RAD9A: variants seen among roughly 807,000 people sequenced by gnomAD.
RAD9A encodes the protein cell cycle checkpoint control protein RAD9A.
RAD9A carries 25 observed loss-of-function variants against 41.2 expected under a neutral mutation model. The observed-to-expected ratio is 0.61, with a 90% confidence interval of 0.44 to 0.85. The LOEUF (loss-of-function observed/expected upper bound fraction) is 0.85. Ranked by LOEUF, RAD9A falls within the 40% of genes least tolerant of loss-of-function variation. The pLI is 0.00. For synonymous variants in RAD9A, 252 were observed against 210.6 expected (o/e 1.20, Z -1.70); for missense variants, 514 against 518.3 (o/e 0.99, Z 0.08).
intron 9 of RAD9A, among the ~76,000 whole-genome samples, chr11:67,396,735 AGCAGGTGGCTGGAAGG>A (rs1208024114): frequency 9.9e-5 from 15 of 152,166 alleles, no homozygotes; most frequent in Non-Finnish European, 1.9e-4. Context: ...GGCTGGGGGA[AGCAGGTGGCTGGAAGG>A]GCAGGTGGGC....
intron 5 of RAD9A, 49 bp downstream of exon 5, chr11:67,393,839 C>G: frequency 6.8e-7 from 1 of 1,460,058 alleles, no homozygotes; most frequent in Non-Finnish European, 9.2e-7. Flanking sequence ...TCTCTTCCTT[C>G]TTTGGGGCCC....
At chr11:67,396,451 G>A (rs769765596) in intron 9 of RAD9A, 51 bp downstream of exon 9, 3 of 1,589,542 alleles carry the variant, frequency 1.9e-6, no homozygotes, top group Non-Finnish European at 2.6e-6. Flanking sequence ...GTGCACTCCA[G>A]CCTGAGACTG....
intron 5 of RAD9A, chr11:67,395,412 A>C: frequency 2.5e-6 from 1 of 395,432 alleles, no homozygotes; most frequent in Non-Finnish European, 4.5e-6. Flanking sequence ...CTGTATGTCA[A>C]TGGGTATCCT....
chr11:67,396,027 G>C lies in RAD9A; in HGVS notation c.669+6G>C. 6.2e-7 allele frequency: 1 copy of C among 1,614,098 alleles called. No homozygotes were observed. Among genetic ancestry groups the C allele is most frequent in the Non-Finnish European group, 8.5e-7 (1 of 1,179,984 alleles). ...TCTGCCTCAAGGAATTCCGGGTGAG[G>C]TTCCTCCCAGGCGCTCGCCGTCCTG... is the stretch of plus-strand genomic sequence containing the variant. On this transcript the variant is annotated splice_donor_region_variant and intron_variant, in intron 7 of 10. Transcript: ENST00000307980.
At chr11:67,394,748 G>A (rs1324112163) in intron 5 of RAD9A, among the ~76,000 whole-genome samples, 1 of 151,850 alleles carries the variant, frequency 6.6e-6, no homozygotes, top group Non-Finnish European at 1.5e-5. Flanking sequence ...CCGAGTAGCT[G>A]GGATTACAGG....
intron 5 of RAD9A, among the ~76,000 whole-genome samples, chr11:67,394,679 G>A (rs976465476): frequency 2.7e-5 from 4 of 150,802 alleles, no homozygotes; most frequent in Admixed American, 6.6e-5. Context: ...GCAATGGCAC[G>A]ATCTCGGCTC....
Position 67,397,947 on chromosome 11 carries a change from C to A in RAD9A, c.*388C>A. On this transcript the variant is annotated 3_prime_UTR_variant, in exon 11 of 11. Coordinates refer to ENST00000307980, the MANE Select transcript of RAD9A (RefSeq NM_004584.3). ...GGCCCCTGGTGATCCAGCTTCTCTG[C>A]CAATCATGACCTGTTCCTTCCTGAA... is the stretch of plus-strand genomic sequence containing the variant. 1 of 231,090 alleles carries A rather than the reference C, an allele frequency of 4.3e-6. No individual in the cohort carries two copies. Among genetic ancestry groups the A allele is most frequent in the Admixed American group, 5.3e-5 (1 of 18,950 alleles). 14.3% of individuals were successfully genotyped at this position (231,090 alleles called of 1,614,324 possible).
Position 67,393,707 on chromosome 11 carries a change from C to T in RAD9A, c.366C>T (p.His122=). ...CCCATCCAGGGGTGCGGAAGACTCA[C>T]AACCTGTCCTTCCAGGACTGTGAGT... is the stretch of plus-strand genomic sequence containing the variant. ...LHCKFGVRKT[H]NLSFQDCESL... The change falls in exon 5 of 11, where the codon CAC becomes CAT. Residue 122 remains histidine, a synonymous_variant. Transcript: ENST00000307980. 1 of 1,613,662 alleles carries T rather than the reference C, an allele frequency of 6.2e-7. No individual in the cohort carries two copies. Among genetic ancestry groups the T allele is most frequent in the Non-Finnish European group, 8.5e-7 (1 of 1,179,774 alleles).
chr11:67,391,986 G>A lies in RAD9A; in HGVS notation c.-59G>A, dbSNP rs913078413. On this transcript the variant is annotated 5_prime_UTR_variant, in exon 1 of 11. Coordinates refer to ENST00000307980, the MANE Select transcript of RAD9A (RefSeq NM_004584.3). Reference sequence around the variant, plus strand: ...GGGGCGGTGCGCGGGAAGGGACCCCGGACCCGGAGGTCGCGGAGAGCTGGG... The same window carrying A: ...GGGGCGGTGCGCGGGAAGGGACCCCAGACCCGGAGGTCGCGGAGAGCTGGG... 6 of 1,525,834 alleles carry A rather than the reference G, an allele frequency of 3.9e-6. No homozygotes were observed. In the African/African-American group the frequency reaches 4.2e-5, roughly 11 times the overall value. The allele number at this position is 1,525,834 out of a possible 1,614,324, so 94.5% of individuals were successfully genotyped here. A position where few individuals can be genotyped will look rare whatever the true frequency, so the allele number is the denominator to read the frequency against.
In RAD9A at chr11:67,398,222, G is replaced by T. The variant is rs891629175; in HGVS notation, c.*663G>T. ...GACCTTTATTCAAGAGACCAGATGG[G>T]TTGCCCCAGGATCCGGCTGCCAGCC... On this transcript the variant is annotated 3_prime_UTR_variant, in exon 11 of 11. Transcript: ENST00000307980. The T allele has an allele frequency of 1.2e-5, 5 of 413,402 alleles. No homozygotes were observed. Among genetic ancestry groups the T allele is most frequent in the Non-Finnish European group, 2.2e-5 (5 of 228,604 alleles). The allele number at this position is 413,402 out of a possible 1,614,324, so 25.6% of individuals were successfully genotyped here. A position where few individuals can be genotyped will look rare whatever the true frequency, so the allele number is the denominator to read the frequency against.
Position 67,398,341 on chromosome 11 carries a change from G to A in RAD9A, c.*782G>A. 6.4e-6 allele frequency: 4 copies of A among 624,750 alleles called. No homozygotes were observed. Among genetic ancestry groups the A allele is most frequent in the South Asian group, 6.1e-5 (3 of 49,364 alleles). The allele number at this position is 624,750 out of a possible 1,614,324, so 38.7% of individuals were successfully genotyped here. On this transcript the variant is annotated 3_prime_UTR_variant, in exon 11 of 11. Coordinates refer to ENST00000307980, the MANE Select transcript of RAD9A (RefSeq NM_004584.3). ...AGGATCCTGCTCACAGTCACCGCAG[G>A]TGCAGGCAGGAAGCAGCCCTGGGGG...
At position 67,392,083 on chromosome 11, in the gene RAD9A, G is replaced by C; in HGVS notation, c.34+5G>C. 1 of 1,596,966 alleles carries C rather than the reference G, an allele frequency of 6.3e-7. No homozygotes were observed. The highest frequency in any genetic ancestry group is 8.5e-7 in the Non-Finnish European group (1 of 1,173,214). On this transcript the variant is annotated splice_donor_5th_base_variant and intron_variant, in intron 1 of 10. Coordinates refer to ENST00000307980, the MANE Select transcript of RAD9A (RefSeq NM_004584.3). ...TCACGGGCGGCAACGTGAAGGGTGA[G>C]TGCAGGTCGGCCTGGCAGCGGCGGT...
At chr11:67,393,662 G>C in intron 4 of RAD9A, 29 bp from the exon 5 acceptor site, 2 of 1,612,828 alleles carry the variant, frequency 1.2e-6, no homozygotes, top group East Asian at 2.2e-5. Context: ...AGGTCGGCGA[G>C]GCCCACTGAG....
intron 5 of RAD9A, 45 bp downstream of exon 5, chr11:67,393,835 C>T (rs1358651938): frequency 1.4e-6 from 2 of 1,476,362 alleles, no homozygotes; most frequent in Admixed American, 4.5e-5. Flanking sequence ...TCTCTCTCTT[C>T]CTTCTTTGGG....
chr11:67,395,465 G>A (rs941113333), intron 5 of RAD9A, among the ~76,000 whole-genome samples: 15 of 152,202 alleles, frequency 9.9e-5, no homozygotes, highest in African/African-American at 3.1e-4. Context: ...GGCCGGGTTT[G>A]TAGGGTGGCC....
chr11:67,392,248 T>TGGGGATGGGGTGG lies in RAD9A; in HGVS notation c.105+21_105+22insATGGGGTGGGGGG. On this transcript the variant is annotated intron_variant, in intron 2 of 10. Transcript: ENST00000307980. The stretch of plus-strand genomic sequence containing the variant: ...GAGGACGGGGTGAGGGGCTAGGGTG[T>TGGGGATGGGGTGG]GGGGGGCGGGTGGGACTCCAGCCGG... 1 of 321,858 alleles carries TGGGGATGGGGTGG rather than the reference T, an allele frequency of 3.1e-6. No homozygotes were observed. 19.9% of individuals were successfully genotyped at this position (321,858 alleles called of 1,614,324 possible).
At chr11:67,392,259 T>TTGGGGGGGGGGGGGGGGGG in intron 2 of RAD9A, 28 bp downstream of exon 2, 78 of 484,072 alleles carry the variant, frequency 1.6e-4, no homozygotes, top group Non-Finnish European at 2.5e-4. Context: ...GGGGGGCGGG[T>TTGGGGGGGGGGGGGGGGGG]GGGACTCCAG....
intron 1 of RAD9A, 37 bp downstream of exon 1, chr11:67,392,115 G>C (rs1268538093): frequency 6.2e-7 from 1 of 1,605,664 alleles, no homozygotes; most frequent in Non-Finnish European, 8.5e-7. Flanking sequence ...CGGTGCAGCA[G>C]CCGCGGAGCC....
In RAD9A at chr11:67,396,071, G is replaced by A. The variant is rs2422489; in HGVS notation, c.670-40G>A. The A allele has an allele frequency of 1.1e-4, 170 of 1,613,452 alleles. No individual in the cohort carries two copies. The African/African-American group carries it at 2.0e-3, about 19-fold the overall frequency. On this transcript the variant is annotated intron_variant, in intron 7 of 10. Coordinates refer to ENST00000307980, the MANE Select transcript of RAD9A (RefSeq NM_004584.3). ...CGTCCTGTCCTCCCTGCCCAGCTCAGCCCAGCCCGGGGCCTCACCTGCTAC... is the reference window on the plus strand; with the variant it reads ...CGTCCTGTCCTCCCTGCCCAGCTCAACCCAGCCCGGGGCCTCACCTGCTAC...
Sources: allele counts gnomAD v4.1 joint callset (sites outside exome capture counted in the v4.1 genomes callset), GRCh38; gene constraint gnomAD v4.1.1; transcripts MANE v1.5; gene names NCBI Gene and HGNC (gene_info 2026-07-23, HGNC 2026-07-21).